The following TJAP1 variants were observed in gnomAD, a reference collection of about 807,000 sequenced individuals.
TJAP1 encodes tight junction associated protein 1.
In TJAP1, 27 loss-of-function variants were observed where a neutral mutation model predicts 42.0. That is an observed-to-expected ratio of 0.64 (90% CI 0.47 to 0.89). The LOEUF (loss-of-function observed/expected upper bound fraction) is 0.89. Ranked by LOEUF, TJAP1 falls within the 40% of genes least tolerant of loss-of-function variation. The pLI is 0.00. For missense variants in TJAP1, 712 were observed against 726.9 expected (o/e 0.98, Z 0.24); for synonymous variants, 257 against 288.4 (o/e 0.89, Z 1.10).
At chr6:43,503,345 G>A in intron 8 of TJAP1, 56 bp from the exon 9 acceptor site, 1 of 1,385,718 alleles carries the variant, frequency 7.2e-7, no homozygotes, top group South Asian at 1.2e-5. Context: ...GGAGGTGGAG[G>A]GAGAGGAAGG....
chr6:43,484,740 T>TTTA (rs1786073021), intron 2 of TJAP1, among the ~76,000 whole-genome samples: 1 of 152,076 alleles, frequency 6.6e-6, no homozygotes, highest in African/African-American at 2.4e-5. Flanking sequence ...TGTTTGTTTT[T>TTTA]CCCAAGACGG....
At chr6:43,506,468 C>T (rs1792387136) in exon 11 of TJAP1, 1 of 152,684 alleles carries the variant, frequency 6.5e-6, no homozygotes, top group African/African-American at 2.4e-5. Flanking sequence ...CCACTCCCAA[C>T]CTTGGCTCTA....
At chr6:43,494,709 G>A (rs375182588) in intron 2 of TJAP1, among the ~76,000 whole-genome samples, 1 of 147,828 alleles carries the variant, frequency 6.8e-6, no homozygotes, top group Non-Finnish European at 1.5e-5. Flanking sequence ...GTGTAGTGGC[G>A]CGATCTGGAC....
chr6:43,501,758 A>ACACACACACTCTCT (rs1423256237), intron 6 of TJAP1, 71 bp downstream of exon 6: 5 of 493,670 alleles, frequency 1.0e-5, no homozygotes, highest in African/African-American at 3.4e-5. Flanking sequence ...ACACACACAC[A>ACACACACACTCTCT]CTCTCTCTGT....
At chr6:43,493,255 C>T (rs1309780975) in intron 2 of TJAP1, among the ~76,000 whole-genome samples, 1 of 152,218 alleles carries the variant, frequency 6.6e-6, no homozygotes, top group Non-Finnish European at 1.5e-5. Flanking sequence ...TCCTTAAGGT[C>T]TCTCACTTGC....
intron 2 of TJAP1, among the ~76,000 whole-genome samples, chr6:43,490,135 C>T (rs1018828268): frequency 6.6e-5 from 10 of 152,212 alleles, no homozygotes; most frequent in African/African-American, 1.2e-4. Flanking sequence ...GCTTATATCA[C>T]GCCATCTCCT....
At position 43,505,099 on chromosome 6, in the gene TJAP1, C is replaced by T; in HGVS notation, c.918C>T (p.Pro306=). ...GGGGCTCCCCGGAGGAAGAGCTGCC[C>T]CTGCCAGCCTTTGAGAAGCTGAACC... is the stretch of plus-strand genomic sequence containing the variant. Residue 306 remains proline, a synonymous_variant, in exon 11 of 11, where the codon CCC becomes CCT. Coordinates refer to ENST00000372449, the Ensembl canonical transcript of TJAP1. This position sits in a 1 kb window ranked among gnomAD's most constrained non-coding sequence, Gnocchi z 5.5. 2.5e-6 allele frequency: 4 copies of T among 1,613,992 alleles called. No homozygotes were observed. The highest frequency in any genetic ancestry group is 2.2e-5 in the East Asian group (1 of 44,892).
chr6:43,488,027 G>A lies in TJAP1; in HGVS notation c.-122+9795G>A, dbSNP rs1320198140. 4.6e-5 allele frequency among the ~76,000 whole-genome samples: 7 copies of A among 152,100 alleles called. No individual in the cohort carries two copies. The East Asian group carries it at 9.7e-4, about 21-fold the overall frequency. On this transcript the variant is annotated intron_variant, in intron 2 of 10. Coordinates refer to ENST00000372449, the Ensembl canonical transcript of TJAP1. The stretch of plus-strand genomic sequence containing the variant: ...TGGGATTATAGGCGCCAGCCAACAC[G>A]CCCAGCTAATTTTTTGTATTTTTAG...
chr6:43,483,732 A>G (rs1017994551), intron 2 of TJAP1, among the ~76,000 whole-genome samples: 4 of 152,194 alleles, frequency 2.6e-5, no homozygotes, highest in Admixed American at 2.6e-4. Context: ...CAAGTTCCTT[A>G]ACCAGTAGGA....
At chr6:43,488,956 G>A (rs913520389) in intron 2 of TJAP1, among the ~76,000 whole-genome samples, 3 of 152,204 alleles carry the variant, frequency 2.0e-5, no homozygotes, top group African/African-American at 7.2e-5. Context: ...TCTGTGGCCA[G>A]GGTGGTGACT....
At chr6:43,479,599 A>G (rs1331989073) in intron 2 of TJAP1, among the ~76,000 whole-genome samples, 2 of 152,060 alleles carry the variant, frequency 1.3e-5, no homozygotes, top group East Asian at 1.9e-4. Flanking sequence ...TGAGGCTGCA[A>G]TGCACTATGA....
At chr6:43,499,166 G>A in intron 4 of TJAP1, 66 bp downstream of exon 4, 3 of 1,589,454 alleles carry the variant, frequency 1.9e-6, no homozygotes, top group Non-Finnish European at 8.5e-7. Flanking sequence ...GTGTCTGGCT[G>A]ACTTCTCCTG....
chr6:43,486,354 C>CTTTTTTT (rs1160469279), intron 2 of TJAP1, among the ~76,000 whole-genome samples: 1 of 110,772 alleles, frequency 9.0e-6, no homozygotes, highest in Non-Finnish European at 1.9e-5. Context: ...TTTCCAGTAG[C>CTTTTTTT]TTTTTTTTTT....
At chr6:43,496,357 G>A (rs933689901) in intron 2 of TJAP1, among the ~76,000 whole-genome samples, 3 of 152,170 alleles carry the variant, frequency 2.0e-5, no homozygotes, top group African/African-American at 7.2e-5. Flanking sequence ...TGGAGGGGCA[G>A]CCCCAAGGAA....
chr6:43,501,781 C>A, intron 6 of TJAP1, 94 bp downstream of exon 6: 1 of 652,724 alleles, frequency 1.5e-6, no homozygotes, highest in South Asian at 1.7e-5. Context: ...CTCTCTCTCT[C>A]TGTGTCTCTG....
intron 2 of TJAP1, among the ~76,000 whole-genome samples, chr6:43,481,706 A>G (rs1785361508): frequency 6.6e-6 from 1 of 152,150 alleles, no homozygotes; most frequent in Non-Finnish European, 1.5e-5. Context: ...AGCGGTGCTC[A>G]GTCTCTCCCT....
At position 43,492,990 on chromosome 6, in the gene TJAP1, T is replaced by C. The variant is rs910469000; in HGVS notation, c.-121-4891T>C. Among the ~76,000 whole-genome samples, 12 of 152,228 alleles carry C rather than the reference T, an allele frequency of 7.9e-5. No individual in the cohort carries two copies. The highest frequency in any genetic ancestry group is 2.4e-4 in the African/African-American group (10 of 41,520). On this transcript the variant is annotated intron_variant, in intron 2 of 10. Transcript: ENST00000372449. This position sits in a 1 kb window ranked among gnomAD's most constrained non-coding sequence, Gnocchi z 4.2. ...GTGTGATCAGACATTTGTGTTTTAGTGGTTGATGAGGGGCTTTAGGAAGGG... is the reference window on the plus strand; with the variant it reads ...GTGTGATCAGACATTTGTGTTTTAGCGGTTGATGAGGGGCTTTAGGAAGGG...
intron 2 of TJAP1, among the ~76,000 whole-genome samples, chr6:43,494,503 T>G (rs888496941): frequency 6.6e-6 from 1 of 151,732 alleles, no homozygotes; most frequent in Admixed American, 6.6e-5. Context: ...GCCTCAACCT[T>G]TCTCCCAGGG....
At chr6:43,501,740 A>G (rs1240762513) in intron 6 of TJAP1, 53 bp downstream of exon 6, 1 of 691,730 alleles carries the variant, frequency 1.4e-6, no homozygotes, top group Non-Finnish European at 2.7e-6. Context: ...ACACACACAC[A>G]CACACACACA....
Sources: gnomAD v4.1 joint callset for allele counts (sites outside exome capture counted in the v4.1 genomes callset) on GRCh38, gnomAD v4.1.1 for gene constraint, Gnocchi (gnomAD v3.1) non-coding constraint, MANE v1.5 for transcripts, NCBI Gene and HGNC (gene_info 2026-07-23, HGNC 2026-07-21) for gene names.